The following CDC42SE2 variants were observed in gnomAD, a reference collection of about 807,000 sequenced individuals.
CDC42SE2 encodes the protein CDC42 small effector 2, also known as CDC42 small effector protein 2.
A neutral mutation model predicts 11.5 loss-of-function variants in CDC42SE2; 3 were observed. The ratio of observed to expected loss-of-function variants is 0.26; its 90% CI spans 0.12 to 0.67. The LOEUF is 0.67. Among genes scored for constraint, CDC42SE2 ranks in the 30% least tolerant of loss-of-function variants. The probability of loss-of-function intolerance (pLI) is 0.80; values close to 1 mark genes in which losing one functional copy is unlikely to be tolerated. For synonymous variants in CDC42SE2, 33 were observed against 34.8 expected (o/e 0.95, Z 0.18); for missense variants, 82 against 106.8 (o/e 0.77, Z 1.02).
At chr5:131,268,831 A>G (rs1441532333) in intron 1 of CDC42SE2, among the ~76,000 whole-genome samples, 2 of 145,882 alleles carry the variant, frequency 1.4e-5, no homozygotes, top group East Asian at 4.0e-4. Context: ...GCTTACTGCA[A>G]CCTCTGCCTC....
chr5:131,319,045 G>A (rs1758106650), intron 2 of CDC42SE2, among the ~76,000 whole-genome samples: 1 of 152,122 alleles, frequency 6.6e-6, no homozygotes, highest in Non-Finnish European at 1.5e-5. Context: ...GGGATTACAG[G>A]TGCCCGCCAC....
intron 3 of CDC42SE2, among the ~76,000 whole-genome samples, chr5:131,382,521 C>T (rs150145030): frequency 6.6e-6 from 1 of 152,326 alleles, no homozygotes; most frequent in Non-Finnish European, 1.5e-5. Flanking sequence ...TTAGGAGTTG[C>T]TTCTGCAGGT....
At chr5:131,247,288 C>A (rs187683146) in intron 1 of CDC42SE2, among the ~76,000 whole-genome samples, 1 of 152,248 alleles carries the variant, frequency 6.6e-6, no homozygotes, top group African/African-American at 2.4e-5. Flanking sequence ...TTTGTCACAT[C>A]AACAGATTAA....
intron 1 of CDC42SE2, among the ~76,000 whole-genome samples, chr5:131,264,763 A>G (rs1215623120): frequency 6.6e-6 from 1 of 152,196 alleles, no homozygotes. Context: ...TGCAGCTTTA[A>G]GTTGCGATTT....
intron 1 of CDC42SE2, among the ~76,000 whole-genome samples, chr5:131,268,254 G>T (rs1194140546): frequency 6.6e-6 from 1 of 150,946 alleles, no homozygotes; most frequent in Non-Finnish European, 1.5e-5. Context: ...GTAAAGACAG[G>T]GTTTCTCCAT....
chr5:131,284,893 C>T (rs966354737), intron 1 of CDC42SE2, among the ~76,000 whole-genome samples: 1 of 151,798 alleles, frequency 6.6e-6, no homozygotes, highest in Non-Finnish European at 1.5e-5. Context: ...TGGTGGTGTG[C>T]GCTTTAGTCC....
At chr5:131,381,096 A>G (rs1024848020) in intron 3 of CDC42SE2, among the ~76,000 whole-genome samples, 11 of 151,926 alleles carry the variant, frequency 7.2e-5, no homozygotes, top group African/African-American at 2.7e-4. Flanking sequence ...GCCTTCTTTG[A>G]TGGCTTCTTC....
chr5:131,382,158 A>T (rs1750346535), intron 3 of CDC42SE2, among the ~76,000 whole-genome samples: 1 of 152,244 alleles, frequency 6.6e-6, no homozygotes, highest in Non-Finnish European at 1.5e-5. Flanking sequence ...TTATCTAATA[A>T]CACAGTATGA....
At chr5:131,252,722 C>G (rs1295191064) in intron 1 of CDC42SE2, among the ~76,000 whole-genome samples, 1 of 152,222 alleles carries the variant, frequency 6.6e-6, no homozygotes, top group East Asian at 1.9e-4. Flanking sequence ...CCAGCATCAT[C>G]TGGGCCCACA....
chr5:131,216,842 C>T, the CDC42SE2 span, among the ~76,000 whole-genome samples: 1 of 152,278 alleles, frequency 6.6e-6, no homozygotes, highest in African/African-American at 2.4e-5. Context: ...ATTAATCCTT[C>T]CAAACCATCC....
chr5:131,335,081 C>T (rs1202899914), intron 2 of CDC42SE2, among the ~76,000 whole-genome samples: 1 of 152,100 alleles, frequency 6.6e-6, no homozygotes, highest in African/African-American at 2.4e-5. Flanking sequence ...TTAGATCTTT[C>T]CTGCTTTCTC....
intron 1 of CDC42SE2, among the ~76,000 whole-genome samples, chr5:131,284,351 ATC>A (rs1438167577): frequency 1.3e-5 from 2 of 152,240 alleles, no homozygotes; most frequent in African/African-American, 4.8e-5. Context: ...ATCTGCATAT[ATC>A]TTTTATTAGT....
chr5:131,326,269 A>T (rs1262675748), intron 2 of CDC42SE2, among the ~76,000 whole-genome samples: 1 of 151,872 alleles, frequency 6.6e-6, no homozygotes, highest in African/African-American at 2.4e-5. Flanking sequence ...TGCGCCTGCT[A>T]ATTTTTTGTA....
intron 2 of CDC42SE2, among the ~76,000 whole-genome samples, chr5:131,346,936 A>G (rs1403090257): frequency 6.6e-6 from 1 of 152,238 alleles, no homozygotes; most frequent in Admixed American, 6.5e-5. Context: ...GCAGAAATAA[A>G]GATGTTCTTT....
chr5:131,328,208 G>T (rs967210181), intron 2 of CDC42SE2, among the ~76,000 whole-genome samples: 1 of 152,142 alleles, frequency 6.6e-6, no homozygotes, highest in Non-Finnish European at 1.5e-5. Flanking sequence ...CCTGCTGCAA[G>T]GATTATGGAT....
chr5:131,243,308 G>A (rs1041828630), upstream of CDC42SE2, among the ~76,000 whole-genome samples: 2 of 152,148 alleles, frequency 1.3e-5, no homozygotes, highest in Admixed American at 6.5e-5. Flanking sequence ...GGCCGGGCGC[G>A]GTGGCTCACG....
chr5:131,289,544 G>A (rs552680112), intron 1 of CDC42SE2, among the ~76,000 whole-genome samples: 15 of 152,158 alleles, frequency 9.9e-5, no homozygotes, highest in Non-Finnish European at 1.8e-4. Context: ...GTGGTGGCAC[G>A]CGCCTGTAGT....
intron 2 of CDC42SE2, among the ~76,000 whole-genome samples, chr5:131,330,191 C>T (rs531193996): frequency 3.9e-5 from 6 of 152,110 alleles, no homozygotes; most frequent in Admixed American, 1.3e-4. Context: ...CCTATGTCTG[C>T]GCCATGGTCT....
intron 3 of CDC42SE2, among the ~76,000 whole-genome samples, chr5:131,362,091 G>A (rs751760381): frequency 7.9e-4 from 121 of 152,228 alleles, no homozygotes; most frequent in Non-Finnish European, 1.5e-3. Context: ...ATGTTTGTCC[G>A]TGGGGGTGGA....
Sources: gnomAD v4.1 joint callset for allele counts (sites outside exome capture counted in the v4.1 genomes callset) on GRCh38, gnomAD v4.1.1 for gene constraint, MANE v1.5 for transcripts, NCBI Gene and HGNC (gene_info 2026-07-23, HGNC 2026-07-21) for gene names.